Variants in ACP3 observed in about 807,000 individuals in gnomAD.
ACP3 encodes prostatic acid phosphatase.
A neutral mutation model predicts 45.6 loss-of-function variants in ACP3; 38 were observed. The ratio of observed to expected loss-of-function variants is 0.83; its 90% CI spans 0.64 to 1.09. The LOEUF (loss-of-function observed/expected upper bound fraction) is 1.09, where lower values mean the gene tolerates loss of function less well. Among genes scored for constraint, ACP3 ranks in the 50% least tolerant of loss-of-function variants. ACP3 has a pLI of 0.00. For synonymous variants in ACP3, 162 were observed against 164.7 expected (o/e 0.98, Z 0.13); for missense variants, 466 against 463.2 (o/e 1.01, Z -0.05).
At chr3:132,344,847 T>A (rs752603617) in intron 6 of ACP3, 80 bp from the exon 7 acceptor site, 167 of 1,525,312 alleles carry the variant, frequency 1.1e-4, no homozygotes, top group Non-Finnish European at 1.4e-4. Flanking sequence ...CTAGTTCTTG[T>A]GAGGTGAAAA....
intron 10 of ACP3, among the ~76,000 whole-genome samples, chr3:132,366,504 G>A (rs2107825793): frequency 6.6e-6 from 1 of 152,224 alleles, no homozygotes; most frequent in Non-Finnish European, 1.5e-5. Context: ...AAATAAAGGA[G>A]TTAAAGAAGA....
chr3:132,339,144 T>A (rs551812158), intron 5 of ACP3, among the ~76,000 whole-genome samples: 1 of 152,334 alleles, frequency 6.6e-6, no homozygotes, highest in South Asian at 2.1e-4. Flanking sequence ...CTTGACTATT[T>A]TTCTTTTGGA....
At chr3:132,329,668 GTTC>G (rs2088974122) in intron 2 of ACP3, among the ~76,000 whole-genome samples, 1 of 152,154 alleles carries the variant, frequency 6.6e-6, no homozygotes, top group South Asian at 2.1e-4. Context: ...CAGGATCTGA[GTTC>G]TTCTTCTGAA....
chr3:132,328,144 C>T (rs942792809), intron 1 of ACP3, 123 bp from the exon 2 acceptor site: 14 of 644,168 alleles, frequency 2.2e-5, no homozygotes, highest in South Asian at 8.4e-5. Context: ...AAACTCCTTA[C>T]GTGATTACAA....
At chr3:132,362,789 T>C (rs1938066571), downstream of ACP3, among the ~76,000 whole-genome samples, 1 of 152,156 alleles carries the variant, frequency 6.6e-6, no homozygotes, top group Non-Finnish European at 1.5e-5. Context: ...AAAGGCAGCA[T>C]AGAGCACTTT....
chr3:132,332,202 G>A lies in ACP3; in HGVS notation c.314G>A (p.Arg105Gln), dbSNP rs777654881. The A allele has an allele frequency of 8.7e-6, 14 of 1,613,934 alleles. No homozygotes were observed. The highest frequency in any genetic ancestry group is 1.7e-4 in the Middle Eastern group (1 of 6,060). ...ESYKHEQVYI[R>Q]STDVDRTLMS... is the part of the protein sequence containing the mutation. ...ATTTTCCTACTCTAGGTTTATATTC[G>A]AAGCACAGACGTTGACCGGACTTTG... is the stretch of plus-strand genomic sequence containing the variant. Residue 105 changes from arginine to glutamine, a missense_variant, in exon 4 of 10, where the codon CGA becomes CAA. Transcript: ENST00000336375.
At chr3:132,318,708 A>G (rs1015850556) in intron 1 of ACP3, among the ~76,000 whole-genome samples, 1 of 151,630 alleles carries the variant, frequency 6.6e-6, no homozygotes, top group Non-Finnish European at 1.5e-5. Context: ...CAGAAAAAAA[A>G]TATATAATAC....
In ACP3 at chr3:132,332,327, C is replaced by T; in HGVS notation, c.439C>T (p.Pro147Ser). 1 of 1,614,088 alleles carries T rather than the reference C, an allele frequency of 6.2e-7. No homozygotes were observed. Among genetic ancestry groups the T allele is most frequent in the East Asian group, 2.2e-5 (1 of 44,886 alleles). ...GCAGCCCATCCCGGTGCACACAGTT[C>T]CTCTTTCTGAAGATCAGGTCAGTAT... is the stretch of plus-strand genomic sequence containing the variant. ...LWQPIPVHTV[P>S]LSEDQLLYLP... is the part of the protein sequence containing the mutation. The change falls in exon 4 of 10, where the codon CCT (proline) becomes TCT (serine). Residue 147 changes from proline (P) to serine (S), a missense_variant. Pro to Ser is a moderately conservative substitution (Grantham distance 74, BLOSUM62 -1). Transcript: ENST00000336375.
chr3:132,353,081 T>C (rs1160396786), intron 9 of ACP3, among the ~76,000 whole-genome samples: 1 of 152,188 alleles, frequency 6.6e-6, no homozygotes, highest in Non-Finnish European at 1.5e-5. Context: ...TTAAAAAAAT[T>C]AAGGTATTCT....
intron 9 of ACP3, among the ~76,000 whole-genome samples, chr3:132,356,019 C>T (rs1263950924): frequency 6.6e-6 from 1 of 152,164 alleles, no homozygotes; most frequent in African/African-American, 2.4e-5. Context: ...TGGTTTAACT[C>T]AGGTTAGTTT....
exon 11 of ACP3, chr3:132,367,963 A>T: frequency 1.5e-6 from 1 of 671,468 alleles, no homozygotes. Flanking sequence ...CAGGGTCTGA[A>T]CTCACAGTGA....
chr3:132,367,864 C>T (rs1344305488), exon 11 of ACP3: 1 of 1,378,038 alleles, frequency 7.3e-7, no homozygotes, highest in Non-Finnish European at 1.0e-6. Context: ...TGTGACACAG[C>T]ATCTCTCAGT....
chr3:132,338,823 A>G (rs1013234002), intron 5 of ACP3, among the ~76,000 whole-genome samples: 8 of 152,184 alleles, frequency 5.3e-5, no homozygotes, highest in African/African-American at 1.9e-4. Flanking sequence ...GAGTTTGGGT[A>G]TCTTCATCTA....
At chr3:132,342,073 T>G (rs768972367) in intron 5 of ACP3, among the ~76,000 whole-genome samples, 2 of 152,222 alleles carry the variant, frequency 1.3e-5, no homozygotes, top group African/African-American at 2.4e-5. Context: ...TGCTTTCCTT[T>G]CTCACCTGGG....
intron 2 of ACP3, among the ~76,000 whole-genome samples, 181 bp downstream of exon 2, chr3:132,328,543 G>T (rs1369479889): frequency 2.0e-5 from 3 of 152,096 alleles, no homozygotes; most frequent in Admixed American, 6.5e-5. Context: ...GCCAGGATTG[G>T]TGGTGGGCAC....
chr3:132,331,857 T>C lies in ACP3; in HGVS notation c.303+124T>C, dbSNP rs1460247231. The C allele has an allele frequency of 1.2e-5, 11 of 910,520 alleles. No individual in the cohort carries two copies. The African/African-American group carries it at 1.4e-4, about 11-fold the overall frequency. 56.4% of individuals were successfully genotyped at this position (910,520 alleles called of 1,614,324 possible). A position where few individuals can be genotyped will look rare whatever the true frequency, so the allele number is the denominator to read the frequency against. ...ACAAGTCAGAGGTCTTGTTTACAAA[T>C]ATATTCCTCTTTATGCAAATTTTTG... On this transcript the variant is annotated intron_variant, in intron 3 of 9. Transcript: ENST00000336375.
At chr3:132,342,302 C>T (rs1305377236) in intron 5 of ACP3, among the ~76,000 whole-genome samples, 1 of 152,178 alleles carries the variant, frequency 6.6e-6, no homozygotes, top group Non-Finnish European at 1.5e-5. Flanking sequence ...CTGTGAAGAA[C>T]AGCGGTTCTC....
chr3:132,331,487 T>C (rs1045179789), intron 2 of ACP3, among the ~76,000 whole-genome samples, 160 bp from the exon 3 acceptor site: 7 of 152,260 alleles, frequency 4.6e-5, no homozygotes, highest in African/African-American at 7.2e-5. Flanking sequence ...AGTACAGCTC[T>C]TTTGTTTTCA....
exon 11 of ACP3, chr3:132,368,283 AC>A (rs1938162914): frequency 6.5e-6 from 1 of 154,450 alleles, no homozygotes; most frequent in Non-Finnish European, 1.4e-5. Context: ...TTATAAATAA[AC>A]TTTTTATTTA....
Sources: allele counts gnomAD v4.1 joint callset (sites outside exome capture counted in the v4.1 genomes callset), GRCh38; gene constraint gnomAD v4.1.1; transcripts MANE v1.5; gene names NCBI Gene and HGNC (gene_info 2026-07-23, HGNC 2026-07-21).